SVEP1: variants seen among roughly 807,000 people sequenced by gnomAD.
SVEP1 encodes the protein sushi, von Willebrand factor type A, EGF and pentraxin domain containing 1.
In SVEP1, 164 loss-of-function variants were observed where a neutral mutation model predicts 367.3. That is an observed-to-expected ratio of 0.45 (90% confidence interval 0.39 to 0.51). SVEP1 has a LOEUF of 0.51. Ranked by LOEUF, SVEP1 falls within the 20% of genes least tolerant of loss-of-function variation. The pLI is 0.00. For missense variants in SVEP1, 4,117 were observed against 4,425.3 expected (o/e 0.93, Z 1.98); for synonymous variants, 1,666 against 1,611.6 (o/e 1.03, Z -0.81).
chr9:110,540,111 C>T (rs577086393), intron 3 of SVEP1, among the ~76,000 whole-genome samples: 7 of 152,098 alleles, frequency 4.6e-5, no homozygotes, highest in African/African-American at 1.7e-4. Flanking sequence ...TTAATATTAG[C>T]TACTATTGTT....
chr9:110,428,399 A>AACACACACACACACAC (rs113743775), intron 35 of SVEP1, among the ~76,000 whole-genome samples: 2,915 of 120,148 alleles, frequency 0.024, 46 homozygotes, highest in South Asian at 0.032. Flanking sequence ...CCTCTGTTTA[A>AACACACACACACACAC]ACACACACAC....
chr9:110,423,785 G>A (rs962007812), intron 36 of SVEP1, among the ~76,000 whole-genome samples: 1 of 150,462 alleles, frequency 6.6e-6, no homozygotes, highest in Non-Finnish European at 1.5e-5. Flanking sequence ...GAAAATATAA[G>A]TCAATATGAA....
intron 5 of SVEP1, among the ~76,000 whole-genome samples, chr9:110,512,228 GC>G (rs1425786552): frequency 7.2e-5 from 11 of 152,150 alleles, no homozygotes; most frequent in Admixed American, 6.5e-4. Flanking sequence ...CCCTTTGCTC[GC>G]CCCCCTTTTA....
chr9:110,448,169 G>GCT (rs535450817), intron 24 of SVEP1, among the ~76,000 whole-genome samples: 1 of 55,026 alleles, frequency 1.8e-5, no homozygotes, highest in Admixed American at 1.9e-4. Context: ...GTGTGCGCGC[G>GCT]CTCGCGCGTG....
intron 1 of SVEP1, among the ~76,000 whole-genome samples, chr9:110,565,044 T>C (rs1830474641): frequency 6.6e-6 from 1 of 152,180 alleles, no homozygotes; most frequent in African/African-American, 2.4e-5. Flanking sequence ...TAGTAAGCAC[T>C]GATGATCATG....
chr9:110,416,806 C>T (rs1055424450), intron 36 of SVEP1, among the ~76,000 whole-genome samples: 23 of 152,040 alleles, frequency 1.5e-4, no homozygotes, highest in Non-Finnish European at 7.4e-5. Flanking sequence ...ACCAGAGTTT[C>T]TCAATTTCAG....
intron 18 of SVEP1, among the ~76,000 whole-genome samples, chr9:110,462,032 C>CT (rs1457113559): frequency 6.6e-6 from 1 of 152,102 alleles, no homozygotes; most frequent in Non-Finnish European, 1.5e-5. Flanking sequence ...AAGCATCAAT[C>CT]TTCTGCTGGT....
intron 9 of SVEP1, among the ~76,000 whole-genome samples, chr9:110,486,633 CTCTT>C (rs766256288): frequency 1.8e-4 from 20 of 113,956 alleles, no homozygotes; most frequent in Non-Finnish European, 2.5e-4. Flanking sequence ...CTCCTTCCTT[CTCTT>C]TCTCTCTCTC....
At chr9:110,578,389 TTTTG>T (rs1249905703) in intron 1 of SVEP1, among the ~76,000 whole-genome samples, 1 of 152,150 alleles carries the variant, frequency 6.6e-6, no homozygotes, top group South Asian at 2.1e-4. Flanking sequence ...TCTCCCTACT[TTTTG>T]TTTAATTCAG....
intron 36 of SVEP1, among the ~76,000 whole-genome samples, chr9:110,423,497 G>T (rs1828207405): frequency 6.6e-6 from 1 of 152,118 alleles, no homozygotes; most frequent in African/African-American, 2.4e-5. Context: ...ATAGTGATAA[G>T]ACATTTAAGA....
intron 36 of SVEP1, among the ~76,000 whole-genome samples, chr9:110,423,162 AT>A (rs1353285703): frequency 7.9e-6 from 1 of 126,828 alleles, no homozygotes; most frequent in Non-Finnish European, 1.6e-5. Context: ...AAATAAAAAA[AT>A]AAAGTAAAAA....
intron 2 of SVEP1, among the ~76,000 whole-genome samples, chr9:110,548,950 C>A (rs1174102497): frequency 6.6e-6 from 1 of 152,112 alleles, no homozygotes; most frequent in South Asian, 2.1e-4. Context: ...TAGCGAGACA[C>A]CATCTTTATT....
chr9:110,385,834 C>A, intron 43 of SVEP1, 64 bp downstream of exon 43: 1 of 1,536,274 alleles, frequency 6.5e-7, no homozygotes, highest in East Asian at 2.3e-5. Context: ...TTGAAAACAA[C>A]CTCACAGGGA....
intron 46 of SVEP1, among the ~76,000 whole-genome samples, chr9:110,372,664 G>C (rs543745593): frequency 2.6e-5 from 4 of 152,258 alleles, no homozygotes; most frequent in African/African-American, 9.6e-5. Context: ...GCAGGACTTG[G>C]GGGTTGAGTG....
chr9:110,482,927 T>A (rs1829216753), intron 10 of SVEP1, among the ~76,000 whole-genome samples: 1 of 152,136 alleles, frequency 6.6e-6, no homozygotes, highest in Non-Finnish European at 1.5e-5. Flanking sequence ...TAGTAGAAAA[T>A]AAAAGATTTA....
intron 36 of SVEP1, among the ~76,000 whole-genome samples, chr9:110,423,870 G>A (rs932489767): frequency 1.3e-5 from 2 of 152,260 alleles, no homozygotes; most frequent in East Asian, 1.9e-4. Flanking sequence ...CCCTTTGGAA[G>A]GTTGTATACC....
At chr9:110,524,410 C>T (rs1223952360) in intron 3 of SVEP1, among the ~76,000 whole-genome samples, 4 of 151,968 alleles carry the variant, frequency 2.6e-5, no homozygotes, top group Non-Finnish European at 5.9e-5. Context: ...AAAATCTTAA[C>T]AAAATGTTAG....
intron 1 of SVEP1, among the ~76,000 whole-genome samples, chr9:110,556,826 G>A (rs1342150695): frequency 6.6e-6 from 1 of 152,116 alleles, no homozygotes; most frequent in Non-Finnish European, 1.5e-5. Context: ...CAATCTTGAT[G>A]AGCCAATAGA....
At chr9:110,571,011 C>T (rs1182829633) in intron 1 of SVEP1, among the ~76,000 whole-genome samples, 1 of 138,938 alleles carries the variant, frequency 7.2e-6, no homozygotes, top group Admixed American at 7.5e-5. Flanking sequence ...AGGTCTTGCA[C>T]TGTCGCCTGG....
Sources: gnomAD v4.1 joint callset for allele counts (sites outside exome capture counted in the v4.1 genomes callset) on GRCh38, gnomAD v4.1.1 for gene constraint, MANE v1.5 for transcripts, NCBI Gene and HGNC (gene_info 2026-07-23, HGNC 2026-07-21) for gene names.